Variants in PSIP1 observed in about 807,000 individuals in gnomAD.
PSIP1 encodes PC4 and SFRS1-interacting protein.
In PSIP1, 19 loss-of-function variants were observed where a neutral mutation model predicts 74.7. The observed-to-expected ratio is 0.25, with a 90% CI of 0.18 to 0.37. The LOEUF is 0.37. Among genes scored for constraint, PSIP1 ranks in the 10% least tolerant of loss-of-function variants. The pLI, the probability that PSIP1 is intolerant of heterozygous loss-of-function variation, is 1.00. For synonymous variants in PSIP1, 222 were observed against 195.3 expected (o/e 1.14, Z -1.14); for missense variants, 601 against 614.3 (o/e 0.98, Z 0.23).
At chr9:15,477,220 T>A (rs1199196992) in intron 8 of PSIP1, among the ~76,000 whole-genome samples, 2 of 152,098 alleles carry the variant, frequency 1.3e-5, no homozygotes, top group African/African-American at 4.8e-5. Flanking sequence ...TTTTTAAAAA[T>A]TGACAGGTAA....
chr9:15,487,307 A>C (rs1327768219), intron 4 of PSIP1, among the ~76,000 whole-genome samples: 1 of 152,098 alleles, frequency 6.6e-6, no homozygotes, highest in Non-Finnish European at 1.5e-5. Flanking sequence ...AGAAATTACA[A>C]AACGTAGTTG....
Position 15,493,622 on chromosome 9 carries a change from T to C in PSIP1, c.150-3498A>G, listed in dbSNP as rs187290909. 6.6e-5 allele frequency among the ~76,000 whole-genome samples: 10 copies of C among 152,342 alleles called. No individual in the cohort carries two copies. In the East Asian group the frequency reaches 1.9e-3, roughly 29 times the overall value. Reference sequence around the variant, plus strand: ...TAGTTTATAAAGAAAAGAGGTTTAATTGACTCAAAGTTCCGCATGGCTGGG... The same window carrying C: ...TAGTTTATAAAGAAAAGAGGTTTAACTGACTCAAAGTTCCGCATGGCTGGG... On this transcript the variant is annotated intron_variant, in intron 3 of 15. Coordinates refer to ENST00000380733, the MANE Select transcript of PSIP1 (RefSeq NM_033222.5).
chr9:15,478,621 ATATT>A, intron 7 of PSIP1, 69 bp from the exon 8 acceptor site: 4 of 1,056,984 alleles, frequency 3.8e-6, no homozygotes, highest in Non-Finnish European at 5.9e-6. Flanking sequence ...TCAGATATAA[ATATT>A]AGAAATGATA....
intron 9 of PSIP1, among the ~76,000 whole-genome samples, chr9:15,473,290 G>A (rs1296482158): frequency 6.6e-6 from 1 of 152,142 alleles, no homozygotes; most frequent in Non-Finnish European, 1.5e-5. Context: ...CCTGAAGGGT[G>A]TTAAGAACTT....
At chr9:15,472,287 T>A (rs2035871102) in intron 10 of PSIP1, 1 of 1,008,970 alleles carries the variant, frequency 9.9e-7, no homozygotes, top group African/African-American at 1.7e-5. Context: ...ATTCTTTGTC[T>A]ACCAGTATAT....
At chr9:15,477,965 C>G (rs990640327) in intron 8 of PSIP1, among the ~76,000 whole-genome samples, 4 of 150,642 alleles carry the variant, frequency 2.7e-5, no homozygotes, top group African/African-American at 9.8e-5. Flanking sequence ...TGAGACCAGT[C>G]TCATCAAAAA....
intron 3 of PSIP1, among the ~76,000 whole-genome samples, chr9:15,498,440 C>A (rs2037183228): frequency 6.6e-6 from 1 of 150,866 alleles, no homozygotes; most frequent in South Asian, 2.1e-4. Context: ...AACAAAAAAA[C>A]AAAGAGTAAG....
At chr9:15,494,536 G>A (rs1043035072) in intron 3 of PSIP1, among the ~76,000 whole-genome samples, 6 of 114,816 alleles carry the variant, frequency 5.2e-5, no homozygotes, top group African/African-American at 2.1e-4. Flanking sequence ...TTGCACTCCA[G>A]CCTGGGCAAC....
intron 2 of PSIP1, among the ~76,000 whole-genome samples, chr9:15,509,788 T>C (rs2037769555): frequency 6.6e-6 from 1 of 152,244 alleles, no homozygotes; most frequent in South Asian, 2.1e-4. Context: ...ATGTCAATGT[T>C]TCACTAATTT....
At chr9:15,494,162 T>C (rs902510322) in intron 3 of PSIP1, among the ~76,000 whole-genome samples, 2 of 152,246 alleles carry the variant, frequency 1.3e-5, no homozygotes, top group African/African-American at 4.8e-5. Context: ...CATAAATTCC[T>C]GATCTGCTAA....
chr9:15,498,105 A>C (rs2037169212), intron 3 of PSIP1, among the ~76,000 whole-genome samples: 1 of 152,172 alleles, frequency 6.6e-6, no homozygotes, highest in Non-Finnish European at 1.5e-5. Flanking sequence ...TCTTCACAAT[A>C]AATTCTAAGA....
At chr9:15,478,972 C>T (rs2036219252) in intron 7 of PSIP1, among the ~76,000 whole-genome samples, 1 of 152,032 alleles carries the variant, frequency 6.6e-6, no homozygotes, top group African/African-American at 2.4e-5. Flanking sequence ...ATTTTATCCA[C>T]TGCAATATTA....
In PSIP1 at chr9:15,465,411, T is replaced by C; in HGVS notation, c.*109A>G. 2.0e-6 allele frequency: 2 copies of C among 989,948 alleles called. No homozygotes were observed. The highest frequency in any genetic ancestry group is 3.0e-6 in the Non-Finnish European group (2 of 659,438). The allele number at this position is 989,948 out of a possible 1,614,324, so 61.3% of individuals were successfully genotyped here. ...AGGGATTTTCTCCCTCAAAACAAGT[T>C]TTCAACATCAAACCTATGCTTATAA... On this transcript the variant is annotated 3_prime_UTR_variant, in exon 16 of 16. Transcript: ENST00000380733.
intron 3 of PSIP1, among the ~76,000 whole-genome samples, chr9:15,499,335 A>T (rs1175088127): frequency 1.3e-5 from 2 of 152,244 alleles, no homozygotes; most frequent in Admixed American, 6.5e-5. Flanking sequence ...CTAAGAAAAC[A>T]GGAAATCATT....
intron 3 of PSIP1, among the ~76,000 whole-genome samples, chr9:15,497,519 G>A (rs1187444159): frequency 2.0e-5 from 3 of 151,920 alleles, no homozygotes; most frequent in Admixed American, 2.0e-4. Flanking sequence ...TAGAGATGGG[G>A]TTTCACCATG....
intron 15 of PSIP1, 115 bp from the exon 16 acceptor site, chr9:15,465,695 A>G: frequency 2.5e-6 from 2 of 796,960 alleles, no homozygotes; most frequent in Non-Finnish European, 3.9e-6. Context: ...AAACCAACCA[A>G]ACAAAAGAAA....
intron 8 of PSIP1, among the ~76,000 whole-genome samples, chr9:15,477,448 T>C (rs1354961249): frequency 1.3e-5 from 2 of 152,198 alleles, no homozygotes; most frequent in Non-Finnish European, 2.9e-5. Context: ...TGAAACTCTT[T>C]AAACATATTT....
At chr9:15,501,215 T>C (rs973081611) in intron 3 of PSIP1, among the ~76,000 whole-genome samples, 10 of 151,940 alleles carry the variant, frequency 6.6e-5, no homozygotes, top group African/African-American at 2.4e-4. Flanking sequence ...TACATAAACG[T>C]TGGCTAATGG....
chr9:15,466,884 A>C lies in PSIP1; in HGVS notation c.1421-25T>G, dbSNP rs370312332. ...CCTTGCGAAGGAATCCAATGGAAAAACTTTGTTAAAGCTTACAAAACAATA... is the reference window on the plus strand; with the variant it reads ...CCTTGCGAAGGAATCCAATGGAAAACCTTTGTTAAAGCTTACAAAACAATA... On this transcript the variant is annotated intron_variant, in intron 14 of 15. Coordinates refer to ENST00000380733, the MANE Select transcript of PSIP1 (RefSeq NM_033222.5). 8.6e-5 allele frequency: 135 copies of C among 1,567,316 alleles called. 2 individuals carry two copies. The East Asian group carries it at 1.4e-3, about 16-fold the overall frequency.
Sources: gnomAD v4.1 joint callset for allele counts (sites outside exome capture counted in the v4.1 genomes callset) on GRCh38, gnomAD v4.1.1 for gene constraint, MANE v1.5 for transcripts, NCBI Gene and HGNC (gene_info 2026-07-23, HGNC 2026-07-21) for gene names.